IQCM: variants seen among roughly 807,000 people sequenced by gnomAD.
IQCM encodes the protein IQ domain-containing protein M.
A neutral mutation model predicts 57.6 loss-of-function variants in IQCM; 45 were observed. The ratio of observed to expected loss-of-function variants is 0.78; its 90% CI spans 0.62 to 1.00. The LOEUF (loss-of-function observed/expected upper bound fraction) is 1.00, where lower values mean the gene tolerates loss of function less well. IQCM is among the 50% of genes least tolerant of loss of function. The pLI is 0.00. For missense variants in IQCM, 468 were observed against 511.6 expected (o/e 0.91, Z 0.82); for synonymous variants, 148 against 158.9 (o/e 0.93, Z 0.51).
intron 12 of IQCM, among the ~76,000 whole-genome samples, chr4:149,486,908 C>G (rs1348408607): frequency 1.3e-5 from 2 of 152,170 alleles, no homozygotes; most frequent in East Asian, 1.9e-4. Context: ...ACCCCAAGAG[C>G]CTGCTTGTTG....
chr4:149,387,820 C>T (rs1031814725), intron 13 of IQCM, among the ~76,000 whole-genome samples: 1 of 151,928 alleles, frequency 6.6e-6, no homozygotes, highest in African/African-American at 2.4e-5. Context: ...CCAAAAAGCC[C>T]ACCCATTAAC....
chr4:149,368,022 C>A (rs938128060), intron 13 of IQCM, among the ~76,000 whole-genome samples: 3 of 151,962 alleles, frequency 2.0e-5, no homozygotes, highest in Non-Finnish European at 4.4e-5. Context: ...CTCATTGTAT[C>A]AAACCTCTGC....
intron 5 of IQCM, among the ~76,000 whole-genome samples, chr4:149,718,459 A>G (rs569024030): frequency 1.7e-3 from 262 of 152,372 alleles, no homozygotes; most frequent in African/African-American, 5.2e-3. Flanking sequence ...ATGAAGAGAC[A>G]AAAGTTGAAA....
intron 13 of IQCM, among the ~76,000 whole-genome samples, chr4:149,364,447 TAAG>T (rs372790374): frequency 5.4e-4 from 82 of 152,232 alleles, no homozygotes; most frequent in African/African-American, 1.9e-3. Flanking sequence ...AAGGTCAGGA[TAAG>T]AAGAGGACAG....
At chr4:149,662,224 C>T (rs545832414) in intron 7 of IQCM, among the ~76,000 whole-genome samples, 6 of 151,906 alleles carry the variant, frequency 3.9e-5, no homozygotes, top group Non-Finnish European at 5.9e-5. Flanking sequence ...AGCGTGTTGA[C>T]TAATGTCCAT....
chr4:149,670,940 C>CTCT (rs1561135139), intron 7 of IQCM, among the ~76,000 whole-genome samples: 2 of 143,374 alleles, frequency 1.4e-5, no homozygotes, highest in Admixed American at 6.9e-5. Flanking sequence ...AAAATTCTCT[C>CTCT]TTTTTTTTTT....
intron 13 of IQCM, among the ~76,000 whole-genome samples, chr4:149,353,353 C>G (rs1177073213): frequency 1.3e-5 from 2 of 152,032 alleles, no homozygotes; most frequent in Non-Finnish European, 2.9e-5. Flanking sequence ...ATTGGTGTAA[C>G]CATTCTAGAA....
chr4:149,652,255 A>G, intron 7 of IQCM, among the ~76,000 whole-genome samples: 1 of 152,076 alleles, frequency 6.6e-6, no homozygotes, highest in Admixed American at 6.6e-5. Context: ...ATGAGAACAC[A>G]TGGACACACG....
intron 12 of IQCM, among the ~76,000 whole-genome samples, chr4:149,545,911 T>C (rs1748358778): frequency 1.3e-5 from 2 of 152,298 alleles, no homozygotes; most frequent in East Asian, 3.9e-4. Context: ...GTTGGTGTGC[T>C]GCACCCGTTA....
intron 7 of IQCM, among the ~76,000 whole-genome samples, chr4:149,667,972 GGAA>G (rs1760889125): frequency 6.6e-6 from 1 of 152,066 alleles, no homozygotes; most frequent in Non-Finnish European, 1.5e-5. Flanking sequence ...GAAAGTGACA[GGAA>G]GAATGGAATC....
chr4:149,631,370 T>A (rs1470469980), intron 7 of IQCM, among the ~76,000 whole-genome samples: 5 of 152,118 alleles, frequency 3.3e-5, no homozygotes, highest in Non-Finnish European at 7.4e-5. Context: ...GACCCTCTAA[T>A]GAATCAGCAA....
chr4:149,702,294 CT>C (rs1402465094), intron 5 of IQCM, among the ~76,000 whole-genome samples: 2 of 132,486 alleles, frequency 1.5e-5, no homozygotes, highest in East Asian at 4.6e-4. Flanking sequence ...TGATGACTCC[CT>C]CACTTCACAC....
rs575803120 is a variant in IQCM, at chr4:149,388,929, G to A, written c.1391-36863C>T. ...GCAGATATTTTTTCTCCCAATCCGT[G>A]GGTTGTCTTTTAACTTTCTTGATGG... On this transcript the variant is annotated intron_variant, in intron 13 of 13. Coordinates refer to ENST00000636793, the MANE Select transcript of IQCM (RefSeq NM_001363507.2). Among the ~76,000 whole-genome samples, 6 of 150,914 alleles carry A rather than the reference G, an allele frequency of 4.0e-5. No homozygotes were observed. In the South Asian group the frequency reaches 8.4e-4, roughly 21 times the overall value.
chr4:149,634,252 G>T (rs1261997814), intron 7 of IQCM, among the ~76,000 whole-genome samples: 1 of 152,018 alleles, frequency 6.6e-6, no homozygotes, highest in East Asian at 1.9e-4. Context: ...CAAGTGATCT[G>T]CCCACCTCGG....
chr4:149,772,407 T>C (rs1770671891), intron 2 of IQCM, among the ~76,000 whole-genome samples: 1 of 152,152 alleles, frequency 6.6e-6, no homozygotes, highest in Non-Finnish European at 1.5e-5. Flanking sequence ...CATAAATACA[T>C]ACACGCACCC....
At chr4:149,676,493 A>G (rs144447666) in intron 7 of IQCM, among the ~76,000 whole-genome samples, 1,618 of 152,190 alleles carry the variant, frequency 0.011, 10 homozygotes, top group Non-Finnish European at 0.017. Flanking sequence ...TACACTATGC[A>G]CTTGACAAGC....
chr4:149,771,521 A>G (rs1013789660), intron 2 of IQCM, among the ~76,000 whole-genome samples: 1 of 152,096 alleles, frequency 6.6e-6, no homozygotes, highest in Non-Finnish European at 1.5e-5. Flanking sequence ...TTCTCATTCT[A>G]TCTGGGAAAG....
chr4:149,642,810 G>A (rs1034765909), intron 7 of IQCM, among the ~76,000 whole-genome samples: 1 of 152,074 alleles, frequency 6.6e-6, no homozygotes, highest in Non-Finnish European at 1.5e-5. Flanking sequence ...CAAGTCTACT[G>A]GTTCATAAAA....
rs796408943 is a variant in IQCM at position 149,531,216 on chromosome 4, C to T, written c.1228+17239G>A. Reference sequence around the variant, plus strand: ...TTTGATTCATTCTCTTTGTTATATGCGTAAACTCATCCCTTAAAAAGTGAC... The same window carrying T: ...TTTGATTCATTCTCTTTGTTATATGTGTAAACTCATCCCTTAAAAAGTGAC... On this transcript the variant is annotated intron_variant, in intron 12 of 13. Coordinates refer to ENST00000636793, the MANE Select transcript of IQCM (RefSeq NM_001363507.2). Among the ~76,000 whole-genome samples, 92 of 152,144 alleles carry T rather than the reference C, an allele frequency of 6.0e-4. 1 individual carries two copies. The highest frequency in any genetic ancestry group is 1.9e-3 in the African/African-American group (77 of 41,500).
Sources: gnomAD v4.1 joint callset for allele counts (sites outside exome capture counted in the v4.1 genomes callset) on GRCh38, gnomAD v4.1.1 for gene constraint, MANE v1.5 for transcripts, NCBI Gene and HGNC (gene_info 2026-07-23, HGNC 2026-07-21) for gene names.